NTN1: variants seen among roughly 807,000 people sequenced by gnomAD.
The protein encoded by NTN1 is netrin-1.
Under a neutral mutation model 54.2 loss-of-function variants are expected in NTN1, and 11 were observed. The observed-to-expected ratio is 0.20, with a 90% CI of 0.13 to 0.34. The LOEUF (loss-of-function observed/expected upper bound fraction) is 0.34. NTN1 is among the 10% of genes least tolerant of loss of function. NTN1 has a pLI of 1.00. For missense variants in NTN1, 740 were observed against 893.1 expected, an observed-to-expected ratio of 0.83 and a Z score of 2.18; for synonymous variants, 371 against 382.0, an observed-to-expected ratio of 0.97 and a Z score of 0.33.
intron 2 of NTN1, among the ~76,000 whole-genome samples, chr17:9,053,747 T>G (rs1424052108): frequency 6.6e-6 from 1 of 152,192 alleles, no homozygotes; most frequent in Non-Finnish European, 1.5e-5. Flanking sequence ...GGGCAGCCTA[T>G]TTAGAGACCA....
In NTN1 at chr17:9,209,826, T is replaced by G. The variant is rs1389160934; in HGVS notation, c.1412-11342T>G. 3.3e-5 allele frequency among the ~76,000 whole-genome samples: 5 copies of G among 152,152 alleles called. No individual in the cohort carries two copies. In the East Asian group the frequency reaches 9.7e-4, roughly 29 times the overall value. ...ACAGAATGTAGCTCAGGCAGCAGAA[T>G]GACAGTCTAGGCTCCTGAGAGCCAG... On this transcript the variant is annotated intron_variant, in intron 5 of 6. Coordinates refer to ENST00000173229, the MANE Select transcript of NTN1 (RefSeq NM_004822.3).
chr17:9,043,640 G>A (rs568480646), intron 2 of NTN1, among the ~76,000 whole-genome samples: 5 of 151,312 alleles, frequency 3.3e-5, no homozygotes, highest in South Asian at 2.1e-4. Context: ...GCAATGGCGC[G>A]ATCTTGGCTC....
At position 9,153,276 on chromosome 17, in the gene NTN1, G is replaced by A. The variant is rs148657275; in HGVS notation, c.1019-9537G>A. 3.9e-3 allele frequency among the ~76,000 whole-genome samples: 591 copies of A among 151,936 alleles called. 3 individuals are homozygous for A. The highest frequency in any genetic ancestry group is 0.013 in the African/African-American group (556 of 41,416). ...ATTCTGGGCAACATGGTGAAACCCC[G>A]TCTCTATTAAAAATACAAAAACATT... On this transcript the variant is annotated intron_variant, in intron 2 of 6. Coordinates refer to ENST00000173229, the MANE Select transcript of NTN1 (RefSeq NM_004822.3).
intron 2 of NTN1, among the ~76,000 whole-genome samples, chr17:9,072,851 G>T (rs1390392752): frequency 6.6e-6 from 1 of 152,228 alleles, no homozygotes; most frequent in African/African-American, 2.4e-5. Flanking sequence ...TCCTAGTCGG[G>T]GAACCAGCAA....
In NTN1 at chr17:9,147,554, G is replaced by C. The variant is rs2142285836; in HGVS notation, c.1019-15259G>C. ...CAAGGCCAATGCTAACCTCAAACCT[G>C]TAAGGATCTGACATCCCAGAGGCAG... is the stretch of plus-strand genomic sequence containing the variant. On this transcript the variant is annotated intron_variant, in intron 2 of 6. Coordinates refer to ENST00000173229, the MANE Select transcript of NTN1 (RefSeq NM_004822.3). 1.3e-5 allele frequency among the ~76,000 whole-genome samples: 2 copies of C among 152,326 alleles called. 1 individual carries two copies. The highest frequency in any genetic ancestry group is 6.8e-3 in the Middle Eastern group (2 of 294).
At chr17:9,193,644 TG>T (rs1236454172) in intron 5 of NTN1, among the ~76,000 whole-genome samples, 2 of 152,180 alleles carry the variant, frequency 1.3e-5, no homozygotes, top group Admixed American at 1.3e-4. Context: ...ATTATGCGGC[TG>T]GGCACGGTGG....
intron 5 of NTN1, among the ~76,000 whole-genome samples, chr17:9,198,764 C>G (rs1344776675): frequency 6.6e-6 from 1 of 152,232 alleles, no homozygotes; most frequent in Non-Finnish European, 1.5e-5. Context: ...TCAGGCTCAG[C>G]TGTGGATCCT....
intron 2 of NTN1, among the ~76,000 whole-genome samples, chr17:9,049,841 G>T (rs944088983): frequency 2.0e-5 from 3 of 152,184 alleles, no homozygotes; most frequent in Non-Finnish European, 4.4e-5. Flanking sequence ...GATCATTGTA[G>T]GATGGGTATG....
chr17:9,020,966 A>C (rs1241158650), upstream of NTN1, among the ~76,000 whole-genome samples: 1 of 152,018 alleles, frequency 6.6e-6, no homozygotes, highest in African/African-American at 2.4e-5. Flanking sequence ...GAGCAGGCAG[A>C]GGTCACATCC....
chr17:9,079,699 G>T (rs111702142), intron 2 of NTN1, among the ~76,000 whole-genome samples: 20 of 150,762 alleles, frequency 1.3e-4, no homozygotes, highest in Non-Finnish European at 5.9e-5. Context: ...TTCCCCCTGG[G>T]AAGTGGTTCC....
chr17:9,021,968 G>C (rs979013217), intron 1 of NTN1, among the ~76,000 whole-genome samples: 2 of 152,128 alleles, frequency 1.3e-5, no homozygotes, highest in Non-Finnish European at 2.9e-5. Context: ...GCCGTGCAGA[G>C]TCGGGGTCCC....
intron 2 of NTN1, among the ~76,000 whole-genome samples, chr17:9,079,281 G>C (rs1440747280): frequency 6.6e-6 from 1 of 152,194 alleles, no homozygotes; most frequent in Non-Finnish European, 1.5e-5. Flanking sequence ...GGGGTGAGCT[G>C]CAGCAACTTG....
Position 9,182,907 on chromosome 17 carries a change from CT to C in NTN1, c.1358-8del. On this transcript the variant is annotated splice_polypyrimidine_tract_variant and splice_region_variant and intron_variant, in intron 4 of 6. Transcript: ENST00000173229. Reference sequence around the variant, plus strand: ...TCCTCCCCTCGCCCCCGTCTTGAACCTCACAAAGAGATCCCTGTAGCGCCGC... The same window carrying C: ...TCCTCCCCTCGCCCCCGTCTTGAACCCACAAAGAGATCCCTGTAGCGCCGC... 1 of 1,614,056 alleles carries C rather than the reference CT, an allele frequency of 6.2e-7. No individual in the cohort carries two copies. The highest frequency in any genetic ancestry group is 1.1e-5 in the South Asian group (1 of 91,084).
chr17:9,094,858 G>T (rs141061848), intron 2 of NTN1, among the ~76,000 whole-genome samples: 1 of 151,830 alleles, frequency 6.6e-6, no homozygotes, highest in Non-Finnish European at 1.5e-5. Flanking sequence ...GCATGGTGGC[G>T]CATGCCTGTA....
chr17:9,171,233 A>G (rs899178421), intron 3 of NTN1: 1 of 152,212 alleles, frequency 6.6e-6, no homozygotes, highest in Non-Finnish European at 1.5e-5. Context: ...CAGAGAATGT[A>G]AGAGTGGAGA....
At chr17:9,074,420 A>G (rs565665876) in intron 2 of NTN1, among the ~76,000 whole-genome samples, 1 of 152,322 alleles carries the variant, frequency 6.6e-6, no homozygotes, top group East Asian at 1.9e-4. Context: ...AGGCAGAGCC[A>G]TGGAGCGGGT....
chr17:9,028,073 C>T (rs1409681662), intron 2 of NTN1, among the ~76,000 whole-genome samples: 5 of 151,778 alleles, frequency 3.3e-5, no homozygotes, highest in South Asian at 2.1e-4. Context: ...TGCAGTGAGC[C>T]GAGATCACGC....
At chr17:9,043,494 G>A (rs552417254) in intron 2 of NTN1, among the ~76,000 whole-genome samples, 5 of 152,230 alleles carry the variant, frequency 3.3e-5, no homozygotes, top group African/African-American at 7.2e-5. Flanking sequence ...TTTTCAAAGC[G>A]GGTTCTTTTA....
chr17:9,094,373 T>C (rs147471338), intron 2 of NTN1, among the ~76,000 whole-genome samples: 2,129 of 152,192 alleles, frequency 0.014, 29 homozygotes, highest in South Asian at 0.064. Flanking sequence ...TTTTGGAGGA[T>C]AGAGTCTTAG....
Sources: gnomAD v4.1 joint callset for allele counts (sites outside exome capture counted in the v4.1 genomes callset) on GRCh38, gnomAD v4.1.1 for gene constraint, MANE v1.5 for transcripts, NCBI Gene and HGNC (gene_info 2026-07-23, HGNC 2026-07-21) for gene names.